PPARGC1A: variants seen among roughly 807,000 people sequenced by gnomAD.
PPARGC1A encodes the protein peroxisome proliferator-activated receptor gamma coactivator 1-alpha.
In PPARGC1A, 25 loss-of-function variants were observed where a neutral mutation model predicts 88.7. The ratio of observed to expected loss-of-function variants is 0.28; its 90% CI spans 0.21 to 0.39. PPARGC1A has a LOEUF of 0.39. Among genes scored for constraint, PPARGC1A ranks in the 10% least tolerant of loss-of-function variants. The pLI is 1.00. For missense variants in PPARGC1A, 880 were observed against 968.7 expected (o/e 0.91, Z 1.22); for synonymous variants, 363 against 355.6 (o/e 1.02, Z -0.24).
chr4:24,354,740 A>C, the PPARGC1A span, among the ~76,000 whole-genome samples: 2 of 152,074 alleles, frequency 1.3e-5, no homozygotes, highest in African/African-American at 4.8e-5. Context: ...CAAAAAAATT[A>C]GCCGGGCATG....
In PPARGC1A at chr4:23,814,440, C is replaced by T; in HGVS notation, c.1043G>A (p.Gly348Glu). The T allele has an allele frequency of 6.2e-7, 1 of 1,613,538 alleles. No homozygotes were observed. Among genetic ancestry groups the T allele is most frequent in the Non-Finnish European group, 8.5e-7 (1 of 1,179,872 alleles). Residue 348 changes from glycine to glutamate, a missense_variant, in exon 8 of 13, where the codon GGG becomes GAG. By Grantham distance (98) the Gly-to-Glu change is moderately conservative (BLOSUM62 -2). Transcript: ENST00000264867. ...GTQGNNSTKK[G>E]PEQSELYAQL... The stretch of plus-strand genomic sequence containing the variant: ...TGCATACAACTCGGATTGCTCCGGC[C>T]CTTTCTTGGTGGAGTTATTGCCTTG...
At chr4:24,250,555 T>A in the PPARGC1A span, among the ~76,000 whole-genome samples, 1 of 152,170 alleles carries the variant, frequency 6.6e-6, no homozygotes, top group Non-Finnish European at 1.5e-5. Context: ...ATGCACTCTT[T>A]GAAATCTGTC....
chr4:24,154,137 A>C, the PPARGC1A span, among the ~76,000 whole-genome samples: 1 of 152,184 alleles, frequency 6.6e-6, no homozygotes, highest in African/African-American at 2.4e-5. Flanking sequence ...TTTGAATCCC[A>C]TCTCCAAGTA....
the PPARGC1A span, among the ~76,000 whole-genome samples, chr4:24,467,058 GAA>G: frequency 4.0e-5 from 5 of 125,768 alleles, no homozygotes; most frequent in East Asian, 1.0e-3. Context: ...GAAAAAGAAA[GAA>G]AGAGAAAGAA....
At chr4:23,963,287 C>T in the PPARGC1A span, among the ~76,000 whole-genome samples, 1 of 152,120 alleles carries the variant, frequency 6.6e-6, no homozygotes, top group African/African-American at 2.4e-5. Flanking sequence ...TTGCTATTAC[C>T]ATGAACAATA....
intron 2 of PPARGC1A, among the ~76,000 whole-genome samples, chr4:23,868,847 T>C (rs939640616): frequency 1.3e-5 from 2 of 152,232 alleles, no homozygotes; most frequent in Non-Finnish European, 2.9e-5. Context: ...CTATGGAAAG[T>C]TTCCTTTCAG....
At chr4:24,149,266 G>A in the PPARGC1A span, among the ~76,000 whole-genome samples, 1 of 152,052 alleles carries the variant, frequency 6.6e-6, no homozygotes, top group Non-Finnish European at 1.5e-5. Flanking sequence ...TATGCCACCT[G>A]TATATATTGC....
At chr4:23,846,590 C>G (rs546962706) in intron 2 of PPARGC1A, among the ~76,000 whole-genome samples, 1 of 152,242 alleles carries the variant, frequency 6.6e-6, no homozygotes, top group Admixed American at 6.5e-5. Context: ...AGATCACAAG[C>G]TTCCTGGGAC....
chr4:23,894,505 G>A (rs1264577271), upstream of PPARGC1A, among the ~76,000 whole-genome samples: 1 of 150,336 alleles, frequency 6.7e-6, no homozygotes, highest in African/African-American at 2.4e-5. Flanking sequence ...AAGAACCTTT[G>A]AGGAAATAAC....
At chr4:24,117,762 C>T in the PPARGC1A span, among the ~76,000 whole-genome samples, 2 of 151,930 alleles carry the variant, frequency 1.3e-5, no homozygotes, top group Non-Finnish European at 2.9e-5. Flanking sequence ...GACATAATTG[C>T]TATTAATAAT....
At chr4:24,336,684 G>T in the PPARGC1A span, among the ~76,000 whole-genome samples, 3 of 152,130 alleles carry the variant, frequency 2.0e-5, no homozygotes, top group African/African-American at 7.2e-5. Context: ...ATTCCAATGT[G>T]TGAACATACC....
At chr4:24,066,657 G>A in the PPARGC1A span, among the ~76,000 whole-genome samples, 1 of 152,034 alleles carries the variant, frequency 6.6e-6, no homozygotes, top group Non-Finnish European at 1.5e-5. Context: ...AGGTCCCCTG[G>A]GGTTTTCCAC....
At chr4:24,229,784 G>A in the PPARGC1A span, among the ~76,000 whole-genome samples, 17 of 150,578 alleles carry the variant, frequency 1.1e-4, no homozygotes, top group African/African-American at 3.4e-4. Flanking sequence ...GGCAGAGATT[G>A]CAGTGAGCCA....
the PPARGC1A span, among the ~76,000 whole-genome samples, chr4:24,050,874 C>G: frequency 7.2e-3 from 1,101 of 152,132 alleles, 15 homozygotes; most frequent in African/African-American, 0.025. Context: ...TTATTTAGAA[C>G]CTAACCTTCC....
the PPARGC1A span, among the ~76,000 whole-genome samples, chr4:24,394,583 T>C: frequency 1.3e-5 from 2 of 152,206 alleles, no homozygotes; most frequent in Non-Finnish European, 2.9e-5. Context: ...GCATCTTAAC[T>C]AAAGTAATAG....
chr4:24,185,648 ATTCTTT>A, the PPARGC1A span, among the ~76,000 whole-genome samples: 1 of 152,134 alleles, frequency 6.6e-6, no homozygotes, highest in Non-Finnish European at 1.5e-5. Flanking sequence ...GAAAGAACAA[ATTCTTT>A]TTCTTTTTAA....
At chr4:24,209,281 G>A in the PPARGC1A span, among the ~76,000 whole-genome samples, 1 of 152,274 alleles carries the variant, frequency 6.6e-6, no homozygotes, top group Non-Finnish European at 1.5e-5. Flanking sequence ...CCAAACAGGT[G>A]CTGCCTGATG....
At chr4:24,294,393 G>A in the PPARGC1A span, among the ~76,000 whole-genome samples, 3 of 151,984 alleles carry the variant, frequency 2.0e-5, no homozygotes, top group Non-Finnish European at 4.4e-5. Context: ...TAATTTTTAT[G>A]AGCTTTCCTT....
the PPARGC1A span, among the ~76,000 whole-genome samples, chr4:24,459,664 C>T: frequency 6.6e-6 from 1 of 152,144 alleles, no homozygotes; most frequent in Non-Finnish European, 1.5e-5. Context: ...GTGTTGCACA[C>T]CTGTAGTCCA....
Sources: allele counts gnomAD v4.1 joint callset (sites outside exome capture counted in the v4.1 genomes callset), GRCh38; gene constraint gnomAD v4.1.1; transcripts MANE v1.5; gene names NCBI Gene and HGNC (gene_info 2026-07-23, HGNC 2026-07-21).